Variants in EPHA6 observed in about 807,000 individuals in gnomAD.
EPHA6 encodes the protein ephrin type-A receptor 6.
A neutral mutation model predicts 112.0 loss-of-function variants in EPHA6; 50 were observed. That is an observed-to-expected ratio of 0.45 (90% CI 0.36 to 0.56). The LOEUF (loss-of-function observed/expected upper bound fraction) is 0.56. Among genes scored for constraint, EPHA6 ranks in the 20% least tolerant of loss-of-function variants. The pLI is 0.00. For missense variants in EPHA6, 1,280 were observed against 1,417.4 expected (o/e 0.90, Z 1.56); for synonymous variants, 529 against 490.7 (o/e 1.08, Z -1.03).
chr3:97,214,036 T>TGAGAGAGA (rs1385755964), intron 3 of EPHA6, among the ~76,000 whole-genome samples: 17 of 130,972 alleles, frequency 1.3e-4, no homozygotes, highest in African/African-American at 5.6e-4. Context: ...TGTGTGTGTG[T>TGAGAGAGA]GTGAGAGAGA....
rs1441788609 is a variant in EPHA6, at chr3:96,876,186, T to G, written c.450+9297T>G. 2.7e-5 allele frequency among the ~76,000 whole-genome samples: 4 copies of G among 150,880 alleles called. No individual in the cohort carries two copies. In the East Asian group the frequency reaches 7.8e-4, roughly 29 times the overall value. The stretch of plus-strand genomic sequence containing the variant: ...GGTCTTGCTATGTTGTGCAGACTGG[T>G]CTCAAACTCCTGGGCTCAAGTGATC... On this transcript the variant is annotated intron_variant, in intron 2 of 17. Transcript: ENST00000389672.
intron 16 of EPHA6, among the ~76,000 whole-genome samples, chr3:97,741,246 G>A (rs189395327): frequency 3.3e-5 from 5 of 152,058 alleles, no homozygotes; most frequent in East Asian, 1.9e-4. Flanking sequence ...CCAGCTACTC[G>A]AGAGAGCAAG....
At chr3:97,132,424 T>C (rs2075654842) in intron 3 of EPHA6, among the ~76,000 whole-genome samples, 1 of 152,066 alleles carries the variant, frequency 6.6e-6, no homozygotes, top group East Asian at 1.9e-4. Context: ...TGTAAAATCA[T>C]TCATTCAACT....
intron 2 of EPHA6, among the ~76,000 whole-genome samples, chr3:96,986,276 C>T (rs918655660): frequency 1.3e-5 from 2 of 152,122 alleles, no homozygotes; most frequent in African/African-American, 4.8e-5. Flanking sequence ...AATCAAGTGG[C>T]AAACTGCTTG....
chr3:97,205,502 G>A (rs1268943514), intron 3 of EPHA6, among the ~76,000 whole-genome samples: 2 of 151,966 alleles, frequency 1.3e-5, no homozygotes, highest in African/African-American at 4.8e-5. Context: ...CCACTCAGAC[G>A]TGAATTTTTT....
chr3:96,891,652 T>C (rs1390044754), intron 2 of EPHA6, among the ~76,000 whole-genome samples: 1 of 152,086 alleles, frequency 6.6e-6, no homozygotes, highest in Non-Finnish European at 1.5e-5. Context: ...GAGGTTTCAA[T>C]GAGCCAAGAT....
Position 96,930,276 on chromosome 3 carries a change from G to A in EPHA6, c.451-57054G>A, listed in dbSNP as rs541629901. On this transcript the variant is annotated intron_variant, in intron 2 of 17. Coordinates refer to ENST00000389672, the MANE Select transcript of EPHA6 (RefSeq NM_001080448.3). ...GAGCCCTTACTGGAGAGGTGTTGCAGTCATTTGGAGAAGGGGCACTCTATA... is the reference window on the plus strand; with the variant it reads ...GAGCCCTTACTGGAGAGGTGTTGCAATCATTTGGAGAAGGGGCACTCTATA... 2.6e-5 allele frequency among the ~76,000 whole-genome samples: 4 copies of A among 152,316 alleles called. No individual in the cohort carries two copies. In the South Asian group the frequency reaches 8.3e-4, roughly 32 times the overall value.
At chr3:97,500,182 T>C (rs956037078) in intron 10 of EPHA6, among the ~76,000 whole-genome samples, 5 of 152,232 alleles carry the variant, frequency 3.3e-5, no homozygotes, top group Non-Finnish European at 7.3e-5. Flanking sequence ...TATTGCTGTC[T>C]TCCACCTCCA....
chr3:97,282,073 C>A (rs2080304617), intron 5 of EPHA6, among the ~76,000 whole-genome samples: 1 of 152,152 alleles, frequency 6.6e-6, no homozygotes, highest in Admixed American at 6.5e-5. Context: ...ATAAACATAG[C>A]AGTTCAGTAA....
chr3:96,983,051 C>T (rs1270952337), intron 2 of EPHA6, among the ~76,000 whole-genome samples: 1 of 152,156 alleles, frequency 6.6e-6, no homozygotes, highest in Admixed American at 6.5e-5. Context: ...AGCCCATTTA[C>T]ATTTAAGGTT....
chr3:97,730,373 GATA>G (rs1189363876), intron 15 of EPHA6, among the ~76,000 whole-genome samples: 1 of 152,064 alleles, frequency 6.6e-6, no homozygotes, highest in Non-Finnish European at 1.5e-5. Context: ...CCAGGTTTAA[GATA>G]ATAATTTCTG....
At chr3:97,448,210 C>T (rs1198704948) in intron 6 of EPHA6, among the ~76,000 whole-genome samples, 2 of 152,260 alleles carry the variant, frequency 1.3e-5, no homozygotes, top group African/African-American at 4.8e-5. Flanking sequence ...ACCTTTGCTC[C>T]TTGCACTCTG....
intron 14 of EPHA6, among the ~76,000 whole-genome samples, chr3:97,669,331 T>C (rs1270349462): frequency 1.3e-5 from 2 of 152,108 alleles, no homozygotes; most frequent in Admixed American, 1.3e-4. Flanking sequence ...GGCTTCTCTT[T>C]TTTCATTGTG....
At chr3:97,112,720 C>T (rs1290697558) in intron 3 of EPHA6, among the ~76,000 whole-genome samples, 1 of 151,398 alleles carries the variant, frequency 6.6e-6, no homozygotes, top group African/African-American at 2.4e-5. Flanking sequence ...CTTAGGTCTT[C>T]GTTCAGAGGA....
intron 11 of EPHA6, among the ~76,000 whole-genome samples, chr3:97,546,918 G>GAA (rs2092958816): frequency 1.3e-5 from 2 of 152,140 alleles, no homozygotes; most frequent in Non-Finnish European, 2.9e-5. Flanking sequence ...AGCTCCATCA[G>GAA]GTCCTTTAAG....
At chr3:97,185,776 C>T (rs1050674141) in intron 3 of EPHA6, among the ~76,000 whole-genome samples, 12 of 151,968 alleles carry the variant, frequency 7.9e-5, no homozygotes, top group African/African-American at 2.4e-4. Context: ...ATGTTTATTG[C>T]GGCAATTTTC....
At chr3:97,215,335 G>T (rs1361876119) in intron 3 of EPHA6, among the ~76,000 whole-genome samples, 1 of 152,142 alleles carries the variant, frequency 6.6e-6, no homozygotes, top group African/African-American at 2.4e-5. Flanking sequence ...GTGTGTGTGT[G>T]TATGTGACTG....
At chr3:97,095,116 A>G (rs771046679) in intron 3 of EPHA6, among the ~76,000 whole-genome samples, 12 of 152,100 alleles carry the variant, frequency 7.9e-5, no homozygotes, top group Non-Finnish European at 1.2e-4. Context: ...TCTGTTTTTA[A>G]TTGAAACTAT....
chr3:97,201,828 T>A (rs115710948), intron 3 of EPHA6, among the ~76,000 whole-genome samples: 479 of 152,214 alleles, frequency 3.1e-3, no homozygotes, highest in African/African-American at 0.011. Flanking sequence ...CACATAGGCC[T>A]TGCATTTCCC....
Sources: gnomAD v4.1 joint callset for allele counts (sites outside exome capture counted in the v4.1 genomes callset) on GRCh38, gnomAD v4.1.1 for gene constraint, MANE v1.5 for transcripts, NCBI Gene and HGNC (gene_info 2026-07-23, HGNC 2026-07-21) for gene names.